The following CSMD3 variants were observed in gnomAD, a reference collection of about 807,000 sequenced individuals.
CSMD3 encodes CUB and sushi domain-containing protein 3.
Under a neutral mutation model 435.2 loss-of-function variants are expected in CSMD3, and 177 were observed. That is an observed-to-expected ratio of 0.41 (90% confidence interval 0.36 to 0.46). The LOEUF (loss-of-function observed/expected upper bound fraction) is 0.46, where lower values mean the gene tolerates loss of function less well. Among genes scored for constraint, CSMD3 ranks in the 20% least tolerant of loss-of-function variants. The pLI, the probability that CSMD3 is intolerant of heterozygous loss-of-function variation, is 0.34. For synonymous variants in CSMD3, 1,656 were observed against 1,520.5 expected, an observed-to-expected ratio of 1.09 and a Z score of -2.07; for missense variants, 4,265 against 4,504.6, an observed-to-expected ratio of 0.95 and a Z score of 1.52.
intron 29 of CSMD3, among the ~76,000 whole-genome samples, chr8:112,505,679 C>T (rs936163061): frequency 8.6e-5 from 13 of 151,656 alleles, no homozygotes; most frequent in Middle Eastern, 3.4e-3. Flanking sequence ...TTAGTTATTA[C>T]GTTTTTTTTC....
chr8:112,314,698 G>A (rs1822300061), intron 47 of CSMD3, 81 bp from the exon 48 acceptor site: 4 of 928,666 alleles, frequency 4.3e-6, no homozygotes, highest in Non-Finnish European at 7.0e-6. Context: ...TGAGTATTCT[G>A]CTTTCATGTT....
intron 13 of CSMD3, among the ~76,000 whole-genome samples, chr8:112,694,988 G>A (rs1172240852): frequency 6.6e-6 from 1 of 152,062 alleles, no homozygotes; most frequent in Non-Finnish European, 1.5e-5. Flanking sequence ...GCCGAAGCAG[G>A]GGAAGGCATC....
At chr8:112,424,209 G>A (rs985968590) in intron 32 of CSMD3, among the ~76,000 whole-genome samples, 23 of 151,932 alleles carry the variant, frequency 1.5e-4, no homozygotes, top group Non-Finnish European at 2.4e-4. Context: ...CCAGATCGAC[G>A]GCCAATAGAG....
chr8:112,301,266 A>C (rs2130752412), intron 53 of CSMD3, among the ~76,000 whole-genome samples: 1 of 152,212 alleles, frequency 6.6e-6, no homozygotes, highest in African/African-American at 2.4e-5. Context: ...GATTTTTTAT[A>C]ATAAATACTC....
At chr8:112,242,047 A>G (rs958814671) in intron 65 of CSMD3, among the ~76,000 whole-genome samples, 1 of 152,258 alleles carries the variant, frequency 6.6e-6, no homozygotes, top group Admixed American at 6.6e-5. Flanking sequence ...GTGTTGCTTT[A>G]TCATCTTGGG....
intron 1 of CSMD3, among the ~76,000 whole-genome samples, chr8:113,412,766 T>C (rs2094565035): frequency 6.6e-6 from 1 of 152,056 alleles, no homozygotes; most frequent in African/African-American, 2.4e-5. Context: ...GCATGAACGA[T>C]TGTTTTTAAT....
intron 6 of CSMD3, among the ~76,000 whole-genome samples, chr8:112,986,406 T>C (rs1340991871): frequency 6.6e-6 from 1 of 152,092 alleles, no homozygotes; most frequent in African/African-American, 2.4e-5. Context: ...GTGAAAACTT[T>C]TGGAATGACA....
At chr8:112,238,296 T>G (rs1813790351) in intron 66 of CSMD3, among the ~76,000 whole-genome samples, 1 of 152,010 alleles carries the variant, frequency 6.6e-6, no homozygotes, top group South Asian at 2.1e-4. Flanking sequence ...TAACAAGTTA[T>G]TGATGATTTT....
chr8:113,176,074 G>A (rs2092342783), intron 3 of CSMD3, among the ~76,000 whole-genome samples: 1 of 152,024 alleles, frequency 6.6e-6, no homozygotes, highest in Non-Finnish European at 1.5e-5. Context: ...ACATTGAATG[G>A]AATCTTAATA....
At chr8:112,366,324 C>A (rs904988074) in intron 38 of CSMD3, among the ~76,000 whole-genome samples, 1 of 152,154 alleles carries the variant, frequency 6.6e-6, no homozygotes, top group Non-Finnish European at 1.5e-5. Context: ...CAACAATGCT[C>A]CTGCTCATTC....
At chr8:112,805,967 T>TC (rs913494519) in intron 12 of CSMD3, among the ~76,000 whole-genome samples, 1 of 151,886 alleles carries the variant, frequency 6.6e-6, no homozygotes, top group Non-Finnish European at 1.5e-5. Context: ...TTGTTACAAC[T>TC]CCCCCTTCAC....
intron 2 of CSMD3, among the ~76,000 whole-genome samples, chr8:113,287,805 G>A (rs2093657592): frequency 6.6e-6 from 1 of 151,918 alleles, no homozygotes; most frequent in South Asian, 2.1e-4. Context: ...AAACAACTGA[G>A]CTTATCACTG....
intron 32 of CSMD3, among the ~76,000 whole-genome samples, chr8:112,461,803 A>G (rs1200084346): frequency 6.6e-6 from 1 of 152,188 alleles, no homozygotes; most frequent in East Asian, 1.9e-4. Flanking sequence ...GCAGAATAAT[A>G]AAAGATTCAG....
At chr8:112,496,137 T>C (rs915056368) in intron 30 of CSMD3, among the ~76,000 whole-genome samples, 1 of 151,932 alleles carries the variant, frequency 6.6e-6, no homozygotes, top group East Asian at 1.9e-4. Flanking sequence ...GCCCGGCCAA[T>C]TTTTTGTATT....
At position 112,492,647 on chromosome 8, in the gene CSMD3, A is replaced by G. The variant is rs752251624; in HGVS notation, c.5120T>C (p.Ile1707Thr). The change falls in exon 31 of 71, where the codon ATA (isoleucine) becomes ACA (threonine). Residue 1707 changes from isoleucine (I) to threonine (T), a missense_variant. By Grantham distance (89) the Ile-to-Thr change is moderately conservative. Transcript: ENST00000297405. ...LRESCFDPGN[I>T]MNGTRLGMDY... Reference sequence around the variant, plus strand: ...CATTCCAAGTCTGGTGCCATTCATTATATTGCCTGGATCAAAGCAGGACTC... The same window carrying G: ...CATTCCAAGTCTGGTGCCATTCATTGTATTGCCTGGATCAAAGCAGGACTC... The G allele has an allele frequency of 5.0e-6, 8 of 1,613,930 alleles. No homozygotes were observed. Among genetic ancestry groups the G allele is most frequent in the Non-Finnish European group, 6.8e-6 (8 of 1,179,870 alleles).
chr8:112,512,710 C>T (rs552273063), intron 28 of CSMD3, among the ~76,000 whole-genome samples: 2 of 152,236 alleles, frequency 1.3e-5, no homozygotes, highest in East Asian at 3.9e-4. Flanking sequence ...GTCAGCCTGT[C>T]CTTTGAAGCT....
intron 22 of CSMD3, among the ~76,000 whole-genome samples, chr8:112,597,661 T>A (rs1831868502): frequency 7.6e-6 from 1 of 131,510 alleles, no homozygotes; most frequent in Non-Finnish European, 1.6e-5. Flanking sequence ...TCGAAAAGCT[T>A]ATCCACCATG....
chr8:112,624,452 T>G (rs184289548), intron 22 of CSMD3, among the ~76,000 whole-genome samples: 1 of 152,236 alleles, frequency 6.6e-6, no homozygotes, highest in Non-Finnish European at 1.5e-5. Flanking sequence ...ATTATTACAA[T>G]TCTGGACAAT....
chr8:112,552,260 A>AGGG (rs1410310991), intron 26 of CSMD3, among the ~76,000 whole-genome samples: 1 of 86,916 alleles, frequency 1.2e-5, no homozygotes, highest in Non-Finnish European at 2.6e-5. Context: ...TTTGGGAGGC[A>AGGG]GAATTGCTTG....
Sources: gnomAD v4.1 joint callset for allele counts (sites outside exome capture counted in the v4.1 genomes callset) on GRCh38, gnomAD v4.1.1 for gene constraint, MANE v1.5 for transcripts, NCBI Gene and HGNC (gene_info 2026-07-23, HGNC 2026-07-21) for gene names.